The following GRID1 variants were observed in gnomAD, a reference collection of about 807,000 sequenced individuals.
GRID1 encodes the protein glutamate ionotropic receptor delta type subunit 1.
A neutral mutation model predicts 98.0 loss-of-function variants in GRID1; 28 were observed. That is an observed-to-expected ratio of 0.29 (90% CI 0.21 to 0.39). The LOEUF is 0.39. Ranked by LOEUF, GRID1 falls within the 10% of genes least tolerant of loss-of-function variation. The pLI is 1.00. For synonymous variants in GRID1, 553 were observed against 538.5 expected (o/e 1.03, Z -0.37); for missense variants, 1,111 against 1,340.5 (o/e 0.83, Z 2.67).
At chr10:85,796,241 T>C (rs1038762373) in intron 8 of GRID1, among the ~76,000 whole-genome samples, 4 of 152,186 alleles carry the variant, frequency 2.6e-5, no homozygotes, top group Admixed American at 6.5e-5. Context: ...GAAGACACCA[T>C]TGGAGAAATA....
chr10:86,040,173 A>G (rs768113555), intron 4 of GRID1, among the ~76,000 whole-genome samples: 3 of 152,178 alleles, frequency 2.0e-5, no homozygotes, highest in Non-Finnish European at 2.9e-5. Context: ...GTCATCATGA[A>G]AAACAGTATG....
intron 6 of GRID1, among the ~76,000 whole-genome samples, chr10:85,865,551 A>G (rs992048656): frequency 2.0e-5 from 3 of 152,168 alleles, no homozygotes; most frequent in Non-Finnish European, 2.9e-5. Context: ...GGAGAGCTCC[A>G]TTTCCAAAAG....
intron 5 of GRID1, among the ~76,000 whole-genome samples, chr10:85,892,170 T>C (rs1227093348): frequency 6.8e-6 from 1 of 146,840 alleles, no homozygotes; most frequent in African/African-American, 2.5e-5. Context: ...CTTGAAAGTA[T>C]GGCAACAGAA....
chr10:85,731,061 G>C (rs1026375272), intron 8 of GRID1, among the ~76,000 whole-genome samples: 3 of 152,134 alleles, frequency 2.0e-5, no homozygotes, highest in Non-Finnish European at 4.4e-5. Flanking sequence ...CATTTCCCAT[G>C]GTCCTGACAT....
intron 3 of GRID1, among the ~76,000 whole-genome samples, chr10:86,176,564 G>T (rs1845578675): frequency 6.6e-6 from 1 of 152,224 alleles, no homozygotes; most frequent in Non-Finnish European, 1.5e-5. Context: ...ACGAGGAGAT[G>T]ATCGTGCAAA....
At chr10:86,085,691 T>C (rs1256307601) in intron 4 of GRID1, among the ~76,000 whole-genome samples, 1 of 152,118 alleles carries the variant, frequency 6.6e-6, no homozygotes, top group East Asian at 1.9e-4. Flanking sequence ...CTCAGAGCTG[T>C]CACCTCCATC....
At position 85,977,981 on chromosome 10, in the gene GRID1, C is replaced by T. The variant is rs1049190720; in HGVS notation, c.727-61742G>A. The stretch of plus-strand genomic sequence containing the variant: ...CACTCCAGGGCCCACATGAGAGTGC[C>T]GAGGTCAATTGGGCCAGAGGGCCAA... On this transcript the variant is annotated intron_variant, in intron 4 of 15. Transcript: ENST00000327946. Among the ~76,000 whole-genome samples, 6 of 152,160 alleles carry T rather than the reference C, an allele frequency of 3.9e-5. No individual in the cohort carries two copies. In the South Asian group the frequency reaches 6.2e-4, roughly 16 times the overall value.
At chr10:85,876,672 G>A (rs927119545) in intron 5 of GRID1, among the ~76,000 whole-genome samples, 10 of 152,198 alleles carry the variant, frequency 6.6e-5, no homozygotes, top group African/African-American at 1.9e-4. Context: ...AGCTCCCAGC[G>A]TGAGTGACAC....
At chr10:86,261,806 C>T (rs1240933863) in intron 2 of GRID1, among the ~76,000 whole-genome samples, 3 of 152,178 alleles carry the variant, frequency 2.0e-5, no homozygotes, top group Non-Finnish European at 4.4e-5. Flanking sequence ...CACCAGCATC[C>T]AGGTCATCCT....
At chr10:86,272,102 T>C (rs1847194207) in intron 2 of GRID1, among the ~76,000 whole-genome samples, 1 of 151,742 alleles carries the variant, frequency 6.6e-6, no homozygotes, top group Non-Finnish European at 1.5e-5. Flanking sequence ...ACAATACAAA[T>C]AGAAGACAAT....
chr10:85,957,662 CA>C (rs1263730573), intron 4 of GRID1, among the ~76,000 whole-genome samples: 1 of 152,178 alleles, frequency 6.6e-6, no homozygotes, highest in African/African-American at 2.4e-5. Context: ...GGTTGCAGCC[CA>C]TCTAGAACAC....
At chr10:85,882,530 C>A (rs1589286478) in intron 5 of GRID1, among the ~76,000 whole-genome samples, 2 of 152,036 alleles carry the variant, frequency 1.3e-5, no homozygotes, top group Non-Finnish European at 2.9e-5. Flanking sequence ...GGACAAAAAA[C>A]CAAACACCGC....
intron 8 of GRID1, among the ~76,000 whole-genome samples, chr10:85,800,481 T>C (rs1842565912): frequency 6.6e-6 from 1 of 152,104 alleles, no homozygotes; most frequent in Non-Finnish European, 1.5e-5. Context: ...GAAAAATCCA[T>C]AATGGATAGT....
chr10:85,869,042 C>T lies in GRID1; in HGVS notation c.919G>A (p.Asp307Asn), dbSNP rs778681237. 21 of 1,613,816 alleles carry T rather than the reference C, an allele frequency of 1.3e-5. No homozygotes were observed. The Admixed American group carries it at 1.7e-4, about 13-fold the overall frequency. The change falls in exon 6 of 16, where the codon GAC (aspartate) becomes AAC (asparagine). Residue 307 changes from aspartate (D) to asparagine (N), a missense_variant. Around this residue, in one of 3 missense-constraint regions of GRID1, gnomAD observed 346 missense variants for 452.3 expected, o/e 0.76. Coordinates refer to ENST00000327946, the MANE Select transcript of GRID1 (RefSeq NM_017551.3). ...ATCTGGAGGTAGCCTTCCTGGGGGT[C>T]GCAGAGCAGGGAGGAGATGCGGTGG... is the stretch of plus-strand genomic sequence containing the variant. Reference protein sequence around the residue: ...NNHRISSLLCDPQEGYLQMLQ... With the variant: ...NNHRISSLLCNPQEGYLQMLQ...
chr10:85,967,644 C>A (rs187254410), intron 4 of GRID1, among the ~76,000 whole-genome samples: 1 of 152,096 alleles, frequency 6.6e-6, no homozygotes, highest in Non-Finnish European at 1.5e-5. Flanking sequence ...AATAAAGAGA[C>A]AGAAATTATA....
intron 4 of GRID1, among the ~76,000 whole-genome samples, chr10:86,095,940 T>C (rs1264522826): frequency 1.3e-5 from 2 of 152,162 alleles, no homozygotes; most frequent in Admixed American, 6.5e-5. Flanking sequence ...CAATTCACAA[T>C]TGCAAAATCA....
intron 2 of GRID1, among the ~76,000 whole-genome samples, chr10:86,248,267 G>A (rs1846763737): frequency 6.6e-6 from 1 of 152,170 alleles, no homozygotes; most frequent in Non-Finnish European, 1.5e-5. Flanking sequence ...GCAGGCTGGG[G>A]CTGCCTGAGC....
intron 4 of GRID1, among the ~76,000 whole-genome samples, chr10:86,067,292 G>A (rs1433472411): frequency 2.0e-5 from 3 of 152,168 alleles, no homozygotes; most frequent in Non-Finnish European, 4.4e-5. Flanking sequence ...TAAACCTGGG[G>A]AGCTTCTCAA....
chr10:85,718,137 G>A (rs570229989), intron 12 of GRID1, among the ~76,000 whole-genome samples: 3 of 152,328 alleles, frequency 2.0e-5, no homozygotes, highest in South Asian at 4.1e-4. Flanking sequence ...CTGTGGTCAG[G>A]AGGATGGTGG....
Sources: gnomAD v4.1 joint callset for allele counts (sites outside exome capture counted in the v4.1 genomes callset) on GRCh38, gnomAD v4.1.1 for gene constraint, gnomAD v4.1.1 regional missense constraint, MANE v1.5 for transcripts, NCBI Gene and HGNC (gene_info 2026-07-23, HGNC 2026-07-21) for gene names.